The following PPFIA2 variants were observed in gnomAD, a reference collection of about 807,000 sequenced individuals.
PPFIA2 encodes the protein PPFI scaffold protein A2.
PPFIA2 carries 46 observed loss-of-function variants against 175.5 expected under a neutral mutation model. The ratio of observed to expected loss-of-function variants is 0.26; its 90% confidence interval spans 0.21 to 0.34. PPFIA2 has a LOEUF of 0.34. Among genes scored for constraint, PPFIA2 ranks in the 10% least tolerant of loss-of-function variants. The probability of loss-of-function intolerance (pLI) is 1.00; values close to 1 mark genes in which losing one functional copy is unlikely to be tolerated. For missense variants in PPFIA2, 1,179 were observed against 1,506.1 expected (o/e 0.78, Z 3.60); for synonymous variants, 568 against 511.4 (o/e 1.11, Z -1.49).
At chr12:81,486,999 CTTTGTTTACTCAATGCATATTTACAT>C (rs1370935364) in intron 4 of PPFIA2, among the ~76,000 whole-genome samples, 1 of 151,832 alleles carries the variant, frequency 6.6e-6, no homozygotes, top group Non-Finnish European at 1.5e-5. Flanking sequence ...ACATTAATCC[CTTTGTTTACTCAATGCATATTTACAT>C]TTTGCAAAAC....
rs574271641 is a variant in PPFIA2, at chr12:81,441,341, C to T, written c.571-1295G>A. ...GGATGCATTTAATTCCTGAAATAGA[C>T]CTTGAATCAGCAATAAAAATATCCA... On this transcript the variant is annotated intron_variant, in intron 6 of 32. Coordinates refer to ENST00000549396, the MANE Select transcript of PPFIA2 (RefSeq NM_003625.5). 4.6e-4 allele frequency among the ~76,000 whole-genome samples: 70 copies of T among 151,902 alleles called. 1 individual carries two copies. Among genetic ancestry groups the T allele is most frequent in the Non-Finnish European group, 8.4e-4 (57 of 67,854 alleles).
rs1248266936 is a variant in PPFIA2, at chr12:81,671,472, A to T, written c.303+5319T>A. Among the ~76,000 whole-genome samples, 4 of 151,926 alleles carry T rather than the reference A, an allele frequency of 2.6e-5. No homozygotes were observed. The East Asian group carries it at 7.7e-4, about 29-fold the overall frequency. On this transcript the variant is annotated intron_variant, in intron 4 of 32. Coordinates refer to ENST00000549396, the MANE Select transcript of PPFIA2 (RefSeq NM_003625.5). ...AAAAAAAGTCACCATGATCATTTTC[A>T]TCACTATCCTTTGGAAGAAAGACTG... is the stretch of plus-strand genomic sequence containing the variant.
intron 4 of PPFIA2, among the ~76,000 whole-genome samples, chr12:81,595,266 C>CATAT (rs200144374): frequency 2.1e-4 from 31 of 149,604 alleles, no homozygotes; most frequent in Middle Eastern, 3.6e-3. Flanking sequence ...TTTAAACAAA[C>CATAT]ATATATATAT....
At chr12:81,705,826 T>C (rs938621401) in intron 3 of PPFIA2, among the ~76,000 whole-genome samples, 3 of 152,218 alleles carry the variant, frequency 2.0e-5, no homozygotes, top group Non-Finnish European at 4.4e-5. Context: ...TTCTCTTTTG[T>C]AGAAACTGTA....
At chr12:81,579,513 G>T (rs1405624455) in intron 4 of PPFIA2, among the ~76,000 whole-genome samples, 2 of 151,702 alleles carry the variant, frequency 1.3e-5, no homozygotes, top group Non-Finnish European at 2.9e-5. Flanking sequence ...TGCCCTAAAG[G>T]AGGTATAAGC....
At chr12:81,670,961 T>C (rs1257300267) in intron 4 of PPFIA2, among the ~76,000 whole-genome samples, 1 of 151,990 alleles carries the variant, frequency 6.6e-6, no homozygotes, top group Non-Finnish European at 1.5e-5. Flanking sequence ...TCTCATCTTA[T>C]AACTCTATAT....
At chr12:81,355,616 T>C (rs947258035) in intron 16 of PPFIA2, among the ~76,000 whole-genome samples, 37 of 152,232 alleles carry the variant, frequency 2.4e-4, no homozygotes, top group African/African-American at 8.2e-4. Flanking sequence ...TTATCGTAGC[T>C]AGATCTTCTG....
chr12:81,562,841 T>C (rs564822978), intron 4 of PPFIA2, among the ~76,000 whole-genome samples: 23 of 84,404 alleles, frequency 2.7e-4, no homozygotes, highest in African/African-American at 9.5e-4. Context: ...AGCGAGACTC[T>C]GTCTCAAAAA....
At chr12:81,374,317 A>G (rs2141667562) in intron 11 of PPFIA2, among the ~76,000 whole-genome samples, 2 of 152,266 alleles carry the variant, frequency 1.3e-5, no homozygotes, top group African/African-American at 4.8e-5. Flanking sequence ...TATGTCTCAT[A>G]TAACATTATC....
At position 81,757,874 on chromosome 12, in the gene PPFIA2, T is replaced by A. The variant is rs145469543; in HGVS notation, c.-3+526A>T. ...GAATGTAATTATTATCCATAGTGAG[T>A]TTCTTCTGAAAACATTTAGTCTTAA... On this transcript the variant is annotated intron_variant, in intron 2 of 32. Transcript: ENST00000549396. Among the ~76,000 whole-genome samples, 603 of 152,254 alleles carry A rather than the reference T, an allele frequency of 4.0e-3. 6 individuals are homozygous for A. Among genetic ancestry groups the A allele is most frequent in the African/African-American group, 0.013 (551 of 41,544 alleles).
intron 4 of PPFIA2, among the ~76,000 whole-genome samples, chr12:81,547,156 A>C (rs553712845): frequency 6.6e-6 from 1 of 152,292 alleles, no homozygotes; most frequent in East Asian, 1.9e-4. Context: ...TATGAACTAC[A>C]CTCACTTTAA....
rs183541419 is a variant in PPFIA2 at position 81,258,784 on chromosome 12, A to T, written c.*910T>A. 1 of 152,056 alleles carries T rather than the reference A, an allele frequency of 6.6e-6. No individual in the cohort carries two copies. The highest frequency in any genetic ancestry group is 1.5e-5 in the Non-Finnish European group (1 of 67,990). 9.4% of individuals were successfully genotyped at this position (152,056 alleles called of 1,614,324 possible). A position where few individuals can be genotyped will look rare whatever the true frequency, so the allele number is the denominator to read the frequency against. On this transcript the variant is annotated 3_prime_UTR_variant, in exon 33 of 33. Transcript: ENST00000549396. ...TGAGCCTCAGACTCTGCGGTGGTTG[A>T]CATTCACTGTCCAGTACTGGCTGGC...
intron 4 of PPFIA2, among the ~76,000 whole-genome samples, chr12:81,591,570 C>A (rs563974483): frequency 3.3e-4 from 50 of 152,274 alleles, no homozygotes; most frequent in African/African-American, 1.1e-3. Context: ...CAGGGTCCTT[C>A]TGCTATGTAC....
intron 3 of PPFIA2, among the ~76,000 whole-genome samples, chr12:81,731,932 A>T (rs948766620): frequency 6.6e-6 from 1 of 151,576 alleles, no homozygotes; most frequent in African/African-American, 2.4e-5. Context: ...AAGAGTCAGC[A>T]GTGCAGGGGT....
Position 81,710,675 on chromosome 12 carries a change from A to G in PPFIA2, c.250-33831T>C, listed in dbSNP as rs116763231. On this transcript the variant is annotated intron_variant, in intron 3 of 32. Coordinates refer to ENST00000549396, the MANE Select transcript of PPFIA2 (RefSeq NM_003625.5). ...CACAAAATTCATTTATGTTTCATAT[A>G]CATCTTATACACATAGAACTGAGAT... Among the ~76,000 whole-genome samples, 1,135 of 152,242 alleles carry G rather than the reference A, an allele frequency of 7.5e-3. 22 individuals carry two copies. The highest frequency in any genetic ancestry group is 0.026 in the African/African-American group (1,079 of 41,560).
At chr12:81,294,582 T>G (rs2046021782) in intron 24 of PPFIA2, 2 of 475,704 alleles carry the variant, frequency 4.2e-6, no homozygotes, top group Non-Finnish European at 7.6e-6. Flanking sequence ...TCTTGTCGCT[T>G]GGGAGAAAAA....
intron 24 of PPFIA2, among the ~76,000 whole-genome samples, chr12:81,293,299 T>C (rs2045543072): frequency 6.6e-6 from 1 of 152,056 alleles, no homozygotes; most frequent in Non-Finnish European, 1.5e-5. Flanking sequence ...GAATTTGTCG[T>C]CATGCATGCC....
chr12:81,628,090 C>T (rs1353483821), intron 4 of PPFIA2, among the ~76,000 whole-genome samples: 1 of 152,106 alleles, frequency 6.6e-6, no homozygotes, highest in Non-Finnish European at 1.5e-5. Context: ...ATAAGGCTTT[C>T]ATTTCCTAAA....
intron 3 of PPFIA2, among the ~76,000 whole-genome samples, chr12:81,704,793 T>A (rs2076909698): frequency 6.6e-6 from 1 of 151,666 alleles, no homozygotes; most frequent in Non-Finnish European, 1.5e-5. Flanking sequence ...ATTAAGAACC[T>A]ATCTTGTGGG....
Sources: gnomAD v4.1 joint callset for allele counts (sites outside exome capture counted in the v4.1 genomes callset) on GRCh38, gnomAD v4.1.1 for gene constraint, MANE v1.5 for transcripts, NCBI Gene and HGNC (gene_info 2026-07-23, HGNC 2026-07-21) for gene names.